LIN7C: variants seen among roughly 807,000 people sequenced by gnomAD.
The protein encoded by LIN7C is lin-7 cell polarity scaffold C.
Under a neutral mutation model 24.7 loss-of-function variants are expected in LIN7C, and 17 were observed. That is an observed-to-expected ratio of 0.69 (90% CI 0.47 to 1.03). The LOEUF (loss-of-function observed/expected upper bound fraction) is 1.03, where lower values mean the gene tolerates loss of function less well. Ranked by LOEUF, LIN7C falls within the 50% of genes least tolerant of loss-of-function variation. LIN7C has a pLI of 0.00. For synonymous variants in LIN7C, 90 were observed against 83.4 expected (o/e 1.08, Z -0.43); for missense variants, 204 against 239.0 (o/e 0.85, Z 0.97).
intron 1 of LIN7C, among the ~76,000 whole-genome samples, chr11:27,502,256 G>A (rs185047278): frequency 1.1e-4 from 16 of 152,168 alleles, no homozygotes; most frequent in African/African-American, 3.9e-4. Flanking sequence ...AAATGTGACC[G>A]ATACATGAAC....
In LIN7C at chr11:27,499,583, T is replaced by C. The variant is rs1865202375; in HGVS notation, c.229-15A>G. On this transcript the variant is annotated splice_polypyrimidine_tract_variant and intron_variant, in intron 3 of 4. Transcript: ENST00000278193. ...GCAACAGTAGCCTGAAAGAAAGTTTTACATATTAAAAATATGACTTTTATT... is the reference window on the plus strand; with the variant it reads ...GCAACAGTAGCCTGAAAGAAAGTTTCACATATTAAAAATATGACTTTTATT... 6.2e-6 allele frequency: 10 copies of C among 1,604,870 alleles called. No homozygotes were observed. The highest frequency in any genetic ancestry group is 8.5e-6 in the Non-Finnish European group (10 of 1,173,458).
Position 27,496,094 on chromosome 11 carries a change from C to T in LIN7C, c.*2555G>A, listed in dbSNP as rs1421530539. On this transcript the variant is annotated 3_prime_UTR_variant, in exon 5 of 5. Coordinates refer to ENST00000278193, the MANE Select transcript of LIN7C (RefSeq NM_018362.4). ...ACTTCCTAAGAGTGTCCAGTGTAAT[C>T]AGATCATTTTATAATGGGTTATTGA... is the stretch of plus-strand genomic sequence containing the variant. 1 of 148,258 alleles carries T rather than the reference C, an allele frequency of 6.7e-6. No homozygotes were observed. Among genetic ancestry groups the T allele is most frequent in the African/African-American group, 2.5e-5 (1 of 40,128 alleles). 9.2% of individuals were successfully genotyped at this position (148,258 alleles called of 1,614,324 possible).
In LIN7C at chr11:27,496,954, CAATTA is replaced by C; in HGVS notation, c.*1690_*1694del. 1 of 152,642 alleles carries C rather than the reference CAATTA, an allele frequency of 6.6e-6. No individual in the cohort carries two copies. Among genetic ancestry groups the C allele is most frequent in the Non-Finnish European group, 1.5e-5 (1 of 67,974 alleles). 9.5% of individuals were successfully genotyped at this position (152,642 alleles called of 1,614,324 possible). On this transcript the variant is annotated 3_prime_UTR_variant, in exon 5 of 5. Transcript: ENST00000278193. ...ACAACAAATACCTCTAATAATTTTA[CAATTA>C]AATTAAGTCCATACTTCTATACTAC...
At position 27,498,453 on chromosome 11, in the gene LIN7C, T is replaced by G. The variant is rs1865190746; in HGVS notation, c.*196A>C. On this transcript the variant is annotated 3_prime_UTR_variant, in exon 5 of 5. Coordinates refer to ENST00000278193, the MANE Select transcript of LIN7C (RefSeq NM_018362.4). ...AGAATTGCCCTCATCACCTTTTACT[T>G]TTTCTTGTCAGAAAAAAGTGTATGC... 1.9e-6 allele frequency: 1 copy of G among 529,340 alleles called. No individual in the cohort carries two copies. The highest frequency in any genetic ancestry group is 3.2e-6 in the Non-Finnish European group (1 of 310,288). 32.8% of individuals were successfully genotyped at this position (529,340 alleles called of 1,614,324 possible). A position where few individuals can be genotyped will look rare whatever the true frequency, so the allele number is the denominator to read the frequency against.
intron 1 of LIN7C, among the ~76,000 whole-genome samples, chr11:27,503,691 T>C (rs1240443101): frequency 6.6e-6 from 1 of 152,042 alleles, no homozygotes; most frequent in Admixed American, 6.6e-5. Context: ...TTTTTGTATT[T>C]TTAGTAGAGA....
rs1014383289 is a variant in LIN7C, at chr11:27,497,877, T to G, written c.*772A>C. 1.3e-5 allele frequency: 2 copies of G among 152,144 alleles called. No homozygotes were observed. The highest frequency in any genetic ancestry group is 4.8e-5 in the African/African-American group (2 of 41,464). The allele number at this position is 152,144 out of a possible 1,614,324, so 9.4% of individuals were successfully genotyped here. On this transcript the variant is annotated 3_prime_UTR_variant, in exon 5 of 5. Coordinates refer to ENST00000278193, the MANE Select transcript of LIN7C (RefSeq NM_018362.4). ...CTGAACCTGTTTTGCATTTATAATT[T>G]GATGTACGGTTGAACATAAATAGGG...
Position 27,498,435 on chromosome 11 carries a change from C to T in LIN7C, c.*214G>A. ...CTGTAAAAACAGTAGGACAGAATTGCCCTCATCACCTTTTACTTTTTCTTG... is the reference window on the plus strand; with the variant it reads ...CTGTAAAAACAGTAGGACAGAATTGTCCTCATCACCTTTTACTTTTTCTTG... On this transcript the variant is annotated 3_prime_UTR_variant, in exon 5 of 5. Coordinates refer to ENST00000278193, the MANE Select transcript of LIN7C (RefSeq NM_018362.4). The T allele has an allele frequency of 2.1e-6, 1 of 471,268 alleles. No individual in the cohort carries two copies. Among genetic ancestry groups the T allele is most frequent in the South Asian group, 4.1e-5 (1 of 24,652 alleles). The allele number at this position is 471,268 out of a possible 1,614,324, so 29.2% of individuals were successfully genotyped here.
intron 3 of LIN7C, among the ~76,000 whole-genome samples, chr11:27,500,001 T>A (rs1333511723): frequency 6.6e-6 from 1 of 152,210 alleles, no homozygotes; most frequent in African/African-American, 2.4e-5. Flanking sequence ...TCACTGGTGA[T>A]TCTGAGAAGG....
rs1285687295 is a variant in LIN7C at position 27,498,010 on chromosome 11, A to C, written c.*639T>G. ...CAGTGTTTAAAAACTTACTTTCATA[A>C]ATCAGTATAAATGAATATCCATTAT... On this transcript the variant is annotated 3_prime_UTR_variant, in exon 5 of 5. Transcript: ENST00000278193. 6.6e-6 allele frequency: 1 copy of C among 152,162 alleles called. No individual in the cohort carries two copies. Among genetic ancestry groups the C allele is most frequent in the Non-Finnish European group, 1.5e-5 (1 of 67,980 alleles). 9.4% of individuals were successfully genotyped at this position (152,162 alleles called of 1,614,324 possible).
At chr11:27,499,820 G>T (rs1244045710) in intron 3 of LIN7C, among the ~76,000 whole-genome samples, 1 of 152,068 alleles carries the variant, frequency 6.6e-6, no homozygotes, top group Admixed American at 6.6e-5. Flanking sequence ...GTAGAGATGG[G>T]GTTTCACCAC....
Position 27,501,922 on chromosome 11 carries a change from T to A in LIN7C, c.38-2A>T. 6.5e-7 allele frequency: 1 copy of A among 1,544,876 alleles called. No individual in the cohort carries two copies. The highest frequency in any genetic ancestry group is 8.9e-7 in the Non-Finnish European group (1 of 1,117,706). ...ATAATTCAATTGCTCTACAAATATC[T>A]AGAGTTAAACACACACACAGATAAT... On this transcript the variant is annotated splice_acceptor_variant, in intron 1 of 4. Transcript: ENST00000278193. LOFTEE classifies it high-confidence loss of function.
At chr11:27,506,375 T>C in intron 1 of LIN7C, among the ~76,000 whole-genome samples, 1 of 152,178 alleles carries the variant, frequency 6.6e-6, no homozygotes, top group South Asian at 2.1e-4. Flanking sequence ...ACCGGGTGTG[T>C]GACGTTTGCT....
At chr11:27,501,447 C>T (rs1339954163) in intron 3 of LIN7C, 48 bp downstream of exon 3, 22 of 1,158,794 alleles carry the variant, frequency 1.9e-5, no homozygotes, top group Non-Finnish European at 2.7e-5. Context: ...ATATTTTAAA[C>T]TTCTAATTTA....
In LIN7C at chr11:27,501,550, T is replaced by C. The variant is rs200707615; in HGVS notation, c.173A>G (p.Tyr58Cys). Residue 58 changes from tyrosine (Y) to cysteine (C), a missense_variant, in exon 3 of 5, where the codon TAT (tyrosine) becomes TGT (cysteine). Tyr to Cys is a radical substitution (Grantham distance 194, BLOSUM62 -2). Transcript: ENST00000278193. Reference sequence around the variant, plus strand: ...ACTGCTACTGATGTCCACAGTCTCATAGACATGTTCATATACCTGTAAAAG... The same window carrying C: ...ACTGCTACTGATGTCCACAGTCTCACAGACATGTTCATATACCTGTAAAAG... ...NAVREVYEHV[Y>C]ETVDISSSPE... The C allele has an allele frequency of 3.2e-5, 51 of 1,602,396 alleles. No individual in the cohort carries two copies. The highest frequency in any genetic ancestry group is 1.8e-4 in the East Asian group (8 of 44,740).
chr11:27,503,577 A>C (rs11030036), intron 1 of LIN7C, among the ~76,000 whole-genome samples: 63,577 of 151,844 alleles, frequency 0.42, 15,831 homozygotes, highest in Non-Finnish European at 0.56. Context: ...GCAGTGGCGC[A>C]ATCTCCACTC....
chr11:27,499,661 C>T, intron 3 of LIN7C, 93 bp from the exon 4 acceptor site: 5 of 1,148,082 alleles, frequency 4.4e-6, no homozygotes, highest in Middle Eastern at 2.2e-4. Flanking sequence ...CTCGCTCTGT[C>T]GCACAGGCTG....
intron 1 of LIN7C, among the ~76,000 whole-genome samples, chr11:27,504,109 C>A (rs1006282401): frequency 6.6e-6 from 1 of 152,112 alleles, no homozygotes; most frequent in African/African-American, 2.4e-5. Flanking sequence ...TGAGCCACTG[C>A]GCCTGGCCAG....
chr11:27,497,452 T>C lies in LIN7C; in HGVS notation c.*1197A>G, dbSNP rs888671381. On this transcript the variant is annotated 3_prime_UTR_variant, in exon 5 of 5. Coordinates refer to ENST00000278193, the MANE Select transcript of LIN7C (RefSeq NM_018362.4). ...CACTAATAGCTGCCTTTTAGTAAAATAGTGACATCCAGTGGACAAATGAAA... is the reference window on the plus strand; with the variant it reads ...CACTAATAGCTGCCTTTTAGTAAAACAGTGACATCCAGTGGACAAATGAAA... 3.3e-5 allele frequency: 5 copies of C among 152,638 alleles called. No homozygotes were observed. The South Asian group carries it at 6.2e-4, about 19-fold the overall frequency. The allele number at this position is 152,638 out of a possible 1,614,324, so 9.5% of individuals were successfully genotyped here.
intron 3 of LIN7C, among the ~76,000 whole-genome samples, chr11:27,499,819 G>C (rs941975743): frequency 6.6e-6 from 1 of 151,974 alleles, no homozygotes; most frequent in Non-Finnish European, 1.5e-5. Context: ...AGTAGAGATG[G>C]GGTTTCACCA....
Sources: gnomAD v4.1 joint callset for allele counts (sites outside exome capture counted in the v4.1 genomes callset) on GRCh38, gnomAD v4.1.1 for gene constraint, MANE v1.5 for transcripts, NCBI Gene and HGNC (gene_info 2026-07-23, HGNC 2026-07-21) for gene names.